PRH1: variants seen among roughly 807,000 people sequenced by gnomAD.
The protein encoded by PRH1 is salivary acidic proline-rich phosphoprotein 1/2.
A neutral mutation model predicts 7.9 loss-of-function variants in PRH1; 7 were observed. The ratio of observed to expected loss-of-function variants is 0.89; its 90% CI spans 0.50 to 1.67. The LOEUF is 1.67. Among genes scored for constraint, PRH1 ranks in the 40% most tolerant of loss-of-function variants. The pLI, the probability that PRH1 is intolerant of heterozygous loss-of-function variation, is 0.00. For missense variants in PRH1, 109 were observed against 223.6 expected (o/e 0.49, Z 3.27); for synonymous variants, 45 against 80.8 (o/e 0.56, Z 2.38).
At chr12:10,997,443 C>T in intron 1 of PRH1, 1 of 1,613,794 alleles carries the variant, frequency 6.2e-7, no homozygotes, top group East Asian at 2.2e-5. Flanking sequence ...TGTTTCATCA[C>T]AAGGTGACAA....
upstream of PRH1, among the ~76,000 whole-genome samples, chr12:11,049,795 A>G (rs1006268902): frequency 3.9e-5 from 6 of 152,216 alleles, no homozygotes; most frequent in East Asian, 1.9e-4. Context: ...CCTTTTATCA[A>G]TATCATCCAA....
At chr12:11,015,714 G>A (rs1489845193) in intron 1 of PRH1, among the ~76,000 whole-genome samples, 1 of 152,114 alleles carries the variant, frequency 6.6e-6, no homozygotes, top group Non-Finnish European at 1.5e-5. Flanking sequence ...TCACTTAGGA[G>A]GTATGTAGTA....
chr12:10,961,178 G>A (rs776868124), intron 2 of PRH1, among the ~76,000 whole-genome samples: 1 of 151,502 alleles, frequency 6.6e-6, no homozygotes, highest in Non-Finnish European at 1.5e-5. Context: ...ATCCACAGGA[G>A]AGGGGAGAGA....
At chr12:11,049,678 T>A (rs1236299684), upstream of PRH1, among the ~76,000 whole-genome samples, 1 of 152,196 alleles carries the variant, frequency 6.6e-6, no homozygotes, top group African/African-American at 2.4e-5. Flanking sequence ...CATAGGGAAA[T>A]TTTAAAACCC....
chr12:11,122,501 CTTG>C (rs1945943008), intron 1 of PRH1, among the ~76,000 whole-genome samples: 1 of 152,252 alleles, frequency 6.6e-6, no homozygotes, highest in African/African-American at 2.4e-5. Flanking sequence ...TATGTCCACA[CTTG>C]TTGTGTCAGG....
Position 10,881,690 on chromosome 12 carries a change from G to C in PRH1, c.*18+527C>G, listed in dbSNP as rs561202346. On this transcript the variant is annotated intron_variant, in intron 3 of 3. Coordinates refer to ENST00000543626, the MANE Select transcript of PRH1 (RefSeq NM_001393989.1). Reference sequence around the variant, plus strand: ...GAAGGATAGAAGGGAGGAAAGATGAGTTAGGCTCTTACTATTTAGCTCTGT... The same window carrying C: ...GAAGGATAGAAGGGAGGAAAGATGACTTAGGCTCTTACTATTTAGCTCTGT... 3.9e-5 allele frequency among the ~76,000 whole-genome samples: 6 copies of C among 152,292 alleles called. No individual in the cohort carries two copies. The East Asian group carries it at 9.6e-4, about 24-fold the overall frequency.
intron 1 of PRH1, among the ~76,000 whole-genome samples, chr12:11,066,710 T>A: frequency 6.6e-6 from 1 of 151,622 alleles, no homozygotes; most frequent in Non-Finnish European, 1.5e-5. Context: ...GTGATTTCCA[T>A]CTTGTTTTTT....
intron 2 of PRH1, chr12:10,931,222 G>T (rs546599094): frequency 6.7e-7 from 1 of 1,489,102 alleles, no homozygotes; most frequent in African/African-American, 1.4e-5. Context: ...AAATATTCTG[G>T]GATAAGGTAG....
intron 1 of PRH1, among the ~76,000 whole-genome samples, chr12:11,113,738 T>C (rs1476727251): frequency 2.0e-5 from 3 of 152,114 alleles, no homozygotes; most frequent in Non-Finnish European, 4.4e-5. Context: ...ACTAAAGAGC[T>C]TCTGCACAGC....
chr12:11,085,315 C>A (rs73064930), intron 1 of PRH1, among the ~76,000 whole-genome samples: 1 of 144,816 alleles, frequency 6.9e-6, no homozygotes, highest in African/African-American at 2.5e-5. Context: ...CTTAAAAGGA[C>A]TCAAAGAAAA....
At chr12:10,892,969 C>G (rs1475728022) in intron 2 of PRH1, among the ~76,000 whole-genome samples, 1 of 152,112 alleles carries the variant, frequency 6.6e-6, no homozygotes, top group Non-Finnish European at 1.5e-5. Context: ...GTATGGTAAG[C>G]TGGACATTTC....
intron 1 of PRH1, among the ~76,000 whole-genome samples, chr12:11,008,265 TA>T (rs1355770393): frequency 6.6e-6 from 1 of 152,066 alleles, no homozygotes; most frequent in East Asian, 1.9e-4. Context: ...CCTTAGTACG[TA>T]ATGAGAAGAT....
intron 1 of PRH1, among the ~76,000 whole-genome samples, chr12:10,991,308 A>G (rs978032563): frequency 3.3e-5 from 5 of 152,230 alleles, no homozygotes; most frequent in African/African-American, 9.6e-5. Flanking sequence ...ACCAAGTACA[A>G]TAAGTCAAAA....
At chr12:10,922,913 C>G (rs1950070492) in intron 2 of PRH1, among the ~76,000 whole-genome samples, 1 of 142,580 alleles carries the variant, frequency 7.0e-6, no homozygotes, top group African/African-American at 2.5e-5. Flanking sequence ...ACTGCAAGCT[C>G]CGCTTCCCGG....
intron 2 of PRH1, among the ~76,000 whole-genome samples, chr12:10,925,736 T>C (rs373995855): frequency 3.3e-5 from 5 of 152,186 alleles, no homozygotes. Context: ...AATCTCCTAA[T>C]AACAGAACTT....
chr12:11,135,305 T>A (rs1946515365), intron 1 of PRH1, among the ~76,000 whole-genome samples: 1 of 152,068 alleles, frequency 6.6e-6, no homozygotes, highest in African/African-American at 2.4e-5. Flanking sequence ...GCATAGAAAT[T>A]TGAGATAGCT....
At chr12:11,057,336 T>C (rs2708385) in intron 1 of PRH1, among the ~76,000 whole-genome samples, 66,496 of 148,950 alleles carry the variant, frequency 0.45, 15,347 homozygotes, top group Non-Finnish European at 0.52. Flanking sequence ...CTACCTAGAG[T>C]TTTGTCTCAT....
intron 2 of PRH1, among the ~76,000 whole-genome samples, chr12:10,943,621 T>C (rs769794242): frequency 1.3e-5 from 2 of 152,226 alleles, no homozygotes; most frequent in Non-Finnish European, 1.5e-5. Context: ...TTGCTTTTGA[T>C]GTCTTTGCCA....
chr12:10,940,562 T>C (rs956672104), intron 2 of PRH1, among the ~76,000 whole-genome samples: 2 of 152,164 alleles, frequency 1.3e-5, no homozygotes, highest in Non-Finnish European at 2.9e-5. Context: ...GCATATTGCT[T>C]CATCAGCACC....
Sources: allele counts gnomAD v4.1 joint callset (sites outside exome capture counted in the v4.1 genomes callset), GRCh38; gene constraint gnomAD v4.1.1; transcripts MANE v1.5; gene names NCBI Gene and HGNC (gene_info 2026-07-23, HGNC 2026-07-21).